Variants in MED27 observed in about 807,000 individuals in gnomAD.
The protein encoded by MED27 is mediator complex subunit 27.
Under a neutral mutation model 38.2 loss-of-function variants are expected in MED27, and 30 were observed. That is an observed-to-expected ratio of 0.79 (90% confidence interval 0.59 to 1.07). MED27 has a LOEUF of 1.07. MED27 is among the 50% of genes least tolerant of loss of function. The pLI, the probability that MED27 is intolerant of heterozygous loss-of-function variation, is 0.00. For synonymous variants in MED27, 122 were observed against 153.5 expected (o/e 0.79, Z 1.52); for missense variants, 289 against 397.5 (o/e 0.73, Z 2.32).
chr9:131,881,790 T>TC (rs1172109920), intron 6 of MED27, among the ~76,000 whole-genome samples: 1 of 112,596 alleles, frequency 8.9e-6, no homozygotes, highest in Admixed American at 9.4e-5. Context: ...CTCCCTTCCT[T>TC]CTTCTTCTTC....
chr9:132,044,293 T>C (rs761115061), intron 2 of MED27, among the ~76,000 whole-genome samples: 20 of 152,240 alleles, frequency 1.3e-4, no homozygotes, highest in Admixed American at 8.5e-4. Flanking sequence ...GCATACGTCA[T>C]GGAGTTGCTT....
chr9:131,970,869 AAAAC>A (rs914492986), intron 3 of MED27, among the ~76,000 whole-genome samples: 5 of 152,382 alleles, frequency 3.3e-5, no homozygotes, highest in African/African-American at 9.6e-5. Context: ...ATCCTGATAA[AAAAC>A]AAACTGTAAA....
chr9:131,892,500 C>CT, intron 5 of MED27, among the ~76,000 whole-genome samples: 1 of 152,142 alleles, frequency 6.6e-6, no homozygotes, highest in East Asian at 1.9e-4. Flanking sequence ...TTTGGTAACT[C>CT]TAGTAGCACG....
At chr9:132,034,996 T>C (rs1198186502) in intron 2 of MED27, among the ~76,000 whole-genome samples, 1 of 152,176 alleles carries the variant, frequency 6.6e-6, no homozygotes, top group Non-Finnish European at 1.5e-5. Flanking sequence ...AAATGAGTAG[T>C]ATGTAAACGG....
intron 4 of MED27, among the ~76,000 whole-genome samples, chr9:131,936,360 C>T (rs1315268547): frequency 6.6e-6 from 1 of 152,178 alleles, no homozygotes; most frequent in Non-Finnish European, 1.5e-5. Context: ...CTACCCACCT[C>T]GAGGGCCACA....
At chr9:131,876,332 G>A (rs79414144) in intron 6 of MED27, among the ~76,000 whole-genome samples, 108 of 152,222 alleles carry the variant, frequency 7.1e-4, no homozygotes, top group African/African-American at 2.4e-3. Flanking sequence ...GCAACGCAGC[G>A]TGCCCTCAGA....
chr9:132,057,751 T>C (rs1012355928), intron 2 of MED27, among the ~76,000 whole-genome samples: 1 of 152,184 alleles, frequency 6.6e-6, no homozygotes, highest in Non-Finnish European at 1.5e-5. Context: ...CCTCCTGAGT[T>C]TATCTTTCTT....
chr9:131,940,478 CTA>C (rs1269219307), intron 3 of MED27, among the ~76,000 whole-genome samples: 2 of 151,528 alleles, frequency 1.3e-5, no homozygotes, highest in East Asian at 3.9e-4. Flanking sequence ...TGCAGTGGTG[CTA>C]TCTCAGCTCA....
intron 2 of MED27, among the ~76,000 whole-genome samples, chr9:132,076,703 C>T (rs1478158461): frequency 6.6e-6 from 1 of 152,094 alleles, no homozygotes; most frequent in Non-Finnish European, 1.5e-5. Context: ...ATTCTAGTTC[C>T]CAATCAACAA....
chr9:131,989,088 G>C (rs190672910), intron 3 of MED27, among the ~76,000 whole-genome samples: 2 of 152,316 alleles, frequency 1.3e-5, no homozygotes, highest in Non-Finnish European at 2.9e-5. Context: ...AGTGTGGAGA[G>C]AGAAATGGTG....
intron 3 of MED27, among the ~76,000 whole-genome samples, chr9:131,986,999 ATTTTTTTTT>A (rs66519112): frequency 4.3e-5 from 2 of 46,224 alleles, no homozygotes; most frequent in African/African-American, 8.7e-5. Flanking sequence ...GAGTTCATGG[ATTTTTTTTT>A]TTTTTTTTTT....
chr9:131,925,958 A>G (rs1182694436), intron 4 of MED27, among the ~76,000 whole-genome samples: 1 of 152,250 alleles, frequency 6.6e-6, no homozygotes, highest in African/African-American at 2.4e-5. Context: ...AAATTTGTAC[A>G]TCTGAATTTA....
At chr9:132,013,555 C>T (rs963903582) in intron 3 of MED27, among the ~76,000 whole-genome samples, 5 of 152,046 alleles carry the variant, frequency 3.3e-5, no homozygotes, top group Admixed American at 2.0e-4. Context: ...TGTTATCCTT[C>T]CTAATGGGAA....
chr9:131,964,680 T>C (rs1831303028), intron 3 of MED27, among the ~76,000 whole-genome samples: 1 of 152,198 alleles, frequency 6.6e-6, no homozygotes, highest in Non-Finnish European at 1.5e-5. Flanking sequence ...TACTTAAACC[T>C]TGAACCAAGG....
intron 2 of MED27, among the ~76,000 whole-genome samples, chr9:132,061,734 A>C (rs181391875): frequency 3.0e-4 from 45 of 152,292 alleles, no homozygotes; most frequent in African/African-American, 1.1e-3. Flanking sequence ...CACCCCATTC[A>C]TCGCAGCTGC....
In MED27 at chr9:132,007,982, GT is replaced by G. The variant is rs553553405; in HGVS notation, c.479+6354del. On this transcript the variant is annotated intron_variant, in intron 3 of 7. Coordinates refer to ENST00000292035, the MANE Select transcript of MED27 (RefSeq NM_004269.4). ...GGGCATGGAGGTAATAGTTTTCAAT[GT>G]AAGCTTTCTGAAAAACTATTTGTTT... Among the ~76,000 whole-genome samples, 547 of 152,260 alleles carry G rather than the reference GT, an allele frequency of 3.6e-3. 3 individuals carry two copies. Among genetic ancestry groups the G allele is most frequent in the African/African-American group, 0.012 (516 of 41,540 alleles).
chr9:131,972,342 A>G (rs998572105), intron 3 of MED27, among the ~76,000 whole-genome samples: 1 of 152,220 alleles, frequency 6.6e-6, no homozygotes, highest in Admixed American at 6.5e-5. Flanking sequence ...TTGCTCACTT[A>G]TTCTTACACC....
At chr9:131,882,527 G>A (rs529995451) in intron 6 of MED27, among the ~76,000 whole-genome samples, 13 of 152,262 alleles carry the variant, frequency 8.5e-5, no homozygotes, top group African/African-American at 3.1e-4. Context: ...ATTCTTCATC[G>A]TGGGGATAAC....
At chr9:132,001,709 A>G (rs1004466859) in intron 3 of MED27, among the ~76,000 whole-genome samples, 2 of 152,228 alleles carry the variant, frequency 1.3e-5, no homozygotes, top group African/African-American at 2.4e-5. Flanking sequence ...TCTAAATTCC[A>G]GCAGGTTCCC....
Sources: allele counts gnomAD v4.1 joint callset (sites outside exome capture counted in the v4.1 genomes callset), GRCh38; gene constraint gnomAD v4.1.1; transcripts MANE v1.5; gene names NCBI Gene and HGNC (gene_info 2026-07-23, HGNC 2026-07-21).